BCKDHB: variants seen among roughly 807,000 people sequenced by gnomAD.
BCKDHB encodes the protein branched chain keto acid dehydrogenase E1 subunit beta.
In BCKDHB, 41 loss-of-function variants were observed where a neutral mutation model predicts 48.5. That is an observed-to-expected ratio of 0.85 (90% CI 0.66 to 1.10). The LOEUF is 1.10. BCKDHB is among the 50% of genes least tolerant of loss of function. BCKDHB has a pLI of 0.00. For missense variants in BCKDHB, 496 were observed against 494.2 expected, an observed-to-expected ratio of 1.00 and a Z score of -0.03; for synonymous variants, 201 against 174.8, an observed-to-expected ratio of 1.15 and a Z score of -1.18.
At chr6:80,351,115 C>T (rs1437246615), downstream of BCKDHB, among the ~76,000 whole-genome samples, 1 of 152,152 alleles carries the variant, frequency 6.6e-6, no homozygotes, top group Non-Finnish European at 1.5e-5. Flanking sequence ...TTATTTATTA[C>T]ATCAGACTCA....
chr6:80,243,303 G>A (rs187514539), intron 8 of BCKDHB, among the ~76,000 whole-genome samples: 6 of 152,262 alleles, frequency 3.9e-5, no homozygotes, highest in African/African-American at 1.2e-4. Flanking sequence ...TAAACCCAAA[G>A]GTAGGAGAGT....
At chr6:80,364,837 C>T in the BCKDHB span, among the ~76,000 whole-genome samples, 2 of 152,098 alleles carry the variant, frequency 1.3e-5, no homozygotes, top group Non-Finnish European at 2.9e-5. Flanking sequence ...AACCCACCCC[C>T]AATATTTCAA....
At chr6:80,151,127 AAT>A (rs1380053190) in intron 3 of BCKDHB, among the ~76,000 whole-genome samples, 16 of 152,228 alleles carry the variant, frequency 1.1e-4, no homozygotes, top group African/African-American at 3.9e-4. Flanking sequence ...TAGATGGACT[AAT>A]GGATTCACTA....
chr6:80,356,386 G>A, the BCKDHB span: 74 of 152,284 alleles, frequency 4.9e-4, no homozygotes, highest in Non-Finnish European at 7.4e-5. Context: ...ATATGGTATA[G>A]CTGTGGTTTG....
chr6:80,394,954 G>T, the BCKDHB span, among the ~76,000 whole-genome samples: 1 of 152,086 alleles, frequency 6.6e-6, no homozygotes, highest in African/African-American at 2.4e-5. Flanking sequence ...TGTTTGTTTG[G>T]CATATCTCTC....
chr6:80,242,425 G>C (rs1776426822), intron 8 of BCKDHB, among the ~76,000 whole-genome samples: 1 of 152,082 alleles, frequency 6.6e-6, no homozygotes, highest in South Asian at 2.1e-4. Context: ...ATCTGATAGG[G>C]CAAATCTCCC....
chr6:80,131,483 C>T (rs938006342), intron 3 of BCKDHB, among the ~76,000 whole-genome samples: 4 of 152,044 alleles, frequency 2.6e-5, no homozygotes, highest in African/African-American at 9.7e-5. Context: ...ATTCTTACTG[C>T]CCTGATACTT....
chr6:80,427,391 T>C, the BCKDHB span, among the ~76,000 whole-genome samples: 880 of 152,220 alleles, frequency 5.8e-3, 5 homozygotes, highest in Middle Eastern at 0.018. Context: ...CATTCCAACC[T>C]TTTTGCTATT....
intron 8 of BCKDHB, among the ~76,000 whole-genome samples, chr6:80,256,827 A>T (rs931223071): frequency 6.6e-6 from 1 of 152,188 alleles, no homozygotes; most frequent in Non-Finnish European, 1.5e-5. Flanking sequence ...AGCCATAATA[A>T]ATGAAGTTGT....
chr6:80,156,466 T>C (rs1182212716), intron 3 of BCKDHB, among the ~76,000 whole-genome samples: 1 of 152,176 alleles, frequency 6.6e-6, no homozygotes, highest in African/African-American at 2.4e-5. Flanking sequence ...CATTTTTTAA[T>C]AGAGCAACTT....
At chr6:80,163,411 G>A (rs1772420188) in intron 3 of BCKDHB, among the ~76,000 whole-genome samples, 1 of 150,728 alleles carries the variant, frequency 6.6e-6, no homozygotes, top group Admixed American at 6.6e-5. Flanking sequence ...TTTAATAGCA[G>A]TATAGACACA....
chr6:80,442,567 GA>G, the BCKDHB span, among the ~76,000 whole-genome samples: 8 of 152,130 alleles, frequency 5.3e-5, no homozygotes, highest in Non-Finnish European at 7.4e-5. Context: ...GAATTTGGAA[GA>G]TGAAGAATGT....
the BCKDHB span, among the ~76,000 whole-genome samples, chr6:80,459,792 A>AGGG: frequency 6.6e-6 from 1 of 152,120 alleles, no homozygotes; most frequent in Non-Finnish European, 1.5e-5. Context: ...CAAATATGTA[A>AGGG]CTGAGGTTCT....
At chr6:80,270,386 G>C (rs904936484) in intron 8 of BCKDHB, among the ~76,000 whole-genome samples, 2 of 152,070 alleles carry the variant, frequency 1.3e-5, no homozygotes, top group African/African-American at 4.8e-5. Context: ...TCAGCTCAGA[G>C]CCTAGCACAT....
chr6:80,138,662 A>G (rs1333385932), intron 3 of BCKDHB, among the ~76,000 whole-genome samples: 1 of 152,140 alleles, frequency 6.6e-6, no homozygotes, highest in African/African-American at 2.4e-5. Flanking sequence ...CTTGGTGTAT[A>G]TGTGCCCCAT....
chr6:80,326,929 C>G (rs1347703839), intron 9 of BCKDHB, among the ~76,000 whole-genome samples: 1 of 152,124 alleles, frequency 6.6e-6, no homozygotes, highest in Admixed American at 6.5e-5. Flanking sequence ...TACTGACAGA[C>G]TACATGAGAG....
At chr6:80,201,075 G>A (rs564064674) in intron 7 of BCKDHB, 44 bp downstream of exon 7, 2 of 1,465,348 alleles carry the variant, frequency 1.4e-6, no homozygotes, top group South Asian at 1.1e-5. Flanking sequence ...CGTTGTGCTT[G>A]GAAGCTCTCA....
intron 9 of BCKDHB, among the ~76,000 whole-genome samples, chr6:80,333,883 C>G (rs926324457): frequency 1.3e-5 from 2 of 152,058 alleles, no homozygotes; most frequent in African/African-American, 4.8e-5. Context: ...ATTCCAGTCA[C>G]TAACTACCTC....
intron 8 of BCKDHB, among the ~76,000 whole-genome samples, chr6:80,219,955 A>G (rs1479484110): frequency 1.1e-4 from 17 of 151,990 alleles, no homozygotes; most frequent in Non-Finnish European, 1.5e-5. Context: ...TGATTTTTTG[A>G]TACATTTTAT....
Sources: allele counts gnomAD v4.1 joint callset (sites outside exome capture counted in the v4.1 genomes callset), GRCh38; gene constraint gnomAD v4.1.1; transcripts MANE v1.5; gene names NCBI Gene and HGNC (gene_info 2026-07-23, HGNC 2026-07-21).